Variants in SPG11 observed in about 807,000 individuals in gnomAD.
SPG11 encodes the protein spatacsin.
SPG11 carries 222 observed loss-of-function variants against 274.0 expected under a neutral mutation model. That is an observed-to-expected ratio of 0.81 (90% CI 0.73 to 0.91). The LOEUF (loss-of-function observed/expected upper bound fraction) is 0.91. Ranked by LOEUF, SPG11 falls within the 40% of genes least tolerant of loss-of-function variation. The pLI, the probability that SPG11 is intolerant of heterozygous loss-of-function variation, is 0.00. For missense variants in SPG11, 3,114 were observed against 2,872.7 expected (o/e 1.08, Z -1.92); for synonymous variants, 1,144 against 1,039.7 (o/e 1.10, Z -1.93).
At chr15:44,609,514 A>G (rs1006055161) in intron 18 of SPG11, among the ~76,000 whole-genome samples, 3 of 152,134 alleles carry the variant, frequency 2.0e-5, no homozygotes, top group Non-Finnish European at 4.4e-5. Context: ...AGGTCCCTCA[A>G]TACAGTTTAT....
intron 6 of SPG11, 24 bp from the exon 7 acceptor site, chr15:44,649,035 T>C: frequency 6.3e-7 from 1 of 1,586,848 alleles, no homozygotes; most frequent in Non-Finnish European, 8.7e-7. Flanking sequence ...AAAAGTTAGC[T>C]TTAACAAATT....
intron 20 of SPG11, among the ~76,000 whole-genome samples, chr15:44,601,368 C>T (rs1361130167): frequency 2.0e-5 from 3 of 151,734 alleles, no homozygotes; most frequent in African/African-American, 7.3e-5. Flanking sequence ...TCAGGTGATC[C>T]TCCCACTTCA....
chr15:44,658,975 C>G lies in SPG11; in HGVS notation c.667+104G>C, dbSNP rs537477141. 645 of 1,036,286 alleles carry G rather than the reference C, an allele frequency of 6.2e-4. 3 individuals carry two copies. In the African/African-American group the frequency reaches 8.3e-3, roughly 13 times the overall value. 64.2% of individuals were successfully genotyped at this position (1,036,286 alleles called of 1,614,324 possible). ...AAAAGTTTTACTGAAAAACTAACCA[C>G]ACTTCCTATATCCCAGCTCCCAAAA... On this transcript the variant is annotated intron_variant, in intron 3 of 39. Coordinates refer to ENST00000261866, the MANE Select transcript of SPG11 (RefSeq NM_025137.4).
rs759301637 is a variant in SPG11, at chr15:44,610,955, G to A, written c.3176C>T (p.Ala1059Val). 3.7e-6 allele frequency: 6 copies of A among 1,613,932 alleles called. No individual in the cohort carries two copies. The Admixed American group carries it at 1.0e-4, about 27-fold the overall frequency. Residue 1059 changes from alanine to valine, a missense_variant, in exon 18 of 40, where the codon GCA becomes GTA. By Grantham distance (64) the Ala-to-Val change is moderately conservative. Transcript: ENST00000261866. ...DPKLIFQASL[A>V]NAQILIPTNQ... is the part of the protein sequence containing the mutation. ...GGTGGGAATCAAAATCTGAGCATTT[G>A]CAAGGCTAGCCTGGAAGATCAGTTT...
At chr15:44,640,908 T>G (rs1309038635) in intron 7 of SPG11, among the ~76,000 whole-genome samples, 1 of 152,110 alleles carries the variant, frequency 6.6e-6, no homozygotes. Context: ...TTTTGTATTT[T>G]TAGTAGAGAC....
At position 44,657,366 on chromosome 15, in the gene SPG11, A is replaced by AC. The variant is rs1471474130; in HGVS notation, c.668-71_668-70insG. 3.1e-4 allele frequency: 447 copies of AC among 1,430,950 alleles called. 1 individual carries two copies. The highest frequency in any genetic ancestry group is 4.1e-4 in the Non-Finnish European group (421 of 1,023,176). 88.6% of individuals were successfully genotyped at this position (1,430,950 alleles called of 1,614,324 possible). ...CTAACTATTTAAAGCACAGGTTGGG[A>AC]AAGAGCTATAGACTTTATCACTCCA... On this transcript the variant is annotated intron_variant, in intron 3 of 39. Transcript: ENST00000261866.
At chr15:44,582,359 C>G (rs951876519) in intron 30 of SPG11, among the ~76,000 whole-genome samples, 2 of 152,068 alleles carry the variant, frequency 1.3e-5, no homozygotes, top group Non-Finnish European at 2.9e-5. Flanking sequence ...ACCAGCCTGG[C>G]CAATATAGTG....
At chr15:44,629,988 T>C (rs1216215808) in intron 8 of SPG11, among the ~76,000 whole-genome samples, 4 of 151,964 alleles carry the variant, frequency 2.6e-5, no homozygotes, top group African/African-American at 7.3e-5. Context: ...GAAGAATTGC[T>C]TGAACCCGGG....
chr15:44,584,250 A>G lies in SPG11; in HGVS notation c.5430T>C (p.Thr1810=). 1 of 1,614,122 alleles carries G rather than the reference A, an allele frequency of 6.2e-7. No individual in the cohort carries two copies. The highest frequency in any genetic ancestry group is 1.7e-5 in the Admixed American group (1 of 60,000). Residue 1810 remains threonine, a synonymous_variant, in exon 30 of 40, where the codon ACT becomes ACC. Transcript: ENST00000261866. ...CTGTTTCCTCCTGATTTCTTCCAAG[A>G]GTGTGCTGGGTGATGCGGCACAGCC... is the stretch of plus-strand genomic sequence containing the variant. ...QIWLCRITQH[T]LGRNQEETEP... is the part of the protein sequence containing the mutation.
intron 20 of SPG11, among the ~76,000 whole-genome samples, chr15:44,604,645 T>C (rs2083273951): frequency 6.6e-6 from 1 of 151,912 alleles, no homozygotes; most frequent in Non-Finnish European, 1.5e-5. Context: ...TAAATATGTA[T>C]TGGTTGGGTG....
intron 38 of SPG11, 124 bp from the exon 39 acceptor site, chr15:44,564,822 G>T: frequency 9.3e-7 from 1 of 1,080,650 alleles, no homozygotes; most frequent in Non-Finnish European, 1.4e-6. Context: ...TACCAATTAT[G>T]TTAAAAGGCT....
At chr15:44,578,019 CTT>C (rs1179057683) in intron 30 of SPG11, among the ~76,000 whole-genome samples, 3 of 117,568 alleles carry the variant, frequency 2.6e-5, no homozygotes, top group Non-Finnish European at 5.3e-5. Flanking sequence ...GCCTTCTTTC[CTT>C]TTTTTTTTTT....
chr15:44,663,144 G>A (rs2085166014), intron 1 of SPG11, among the ~76,000 whole-genome samples: 1 of 152,254 alleles, frequency 6.6e-6, no homozygotes, highest in South Asian at 2.1e-4. Context: ...AATGGAGCTG[G>A]GTGCCGTCTC....
At chr15:44,591,695 G>A (rs918712194) in intron 27 of SPG11, among the ~76,000 whole-genome samples, 2 of 152,192 alleles carry the variant, frequency 1.3e-5, no homozygotes, top group Non-Finnish European at 2.9e-5. Flanking sequence ...CAGTGTGGCC[G>A]GACATGGTGG....
Position 44,626,514 on chromosome 15 carries a change from A to T in SPG11, c.2068-7T>A, listed in dbSNP as rs975006101. ...TGGCGCTGGCAATAACTTCCTAGGA[A>T]AAGAAAAACGTTTGCCTTTTAAGTT... is the stretch of plus-strand genomic sequence containing the variant. On this transcript the variant is annotated splice_region_variant and splice_polypyrimidine_tract_variant and intron_variant, in intron 10 of 39. Transcript: ENST00000261866. 5 of 1,613,526 alleles carry T rather than the reference A, an allele frequency of 3.1e-6. No homozygotes were observed. The Admixed American group carries it at 8.3e-5, about 27-fold the overall frequency.
chr15:44,645,480 A>C (rs1209410102), intron 7 of SPG11, among the ~76,000 whole-genome samples: 5 of 152,252 alleles, frequency 3.3e-5, no homozygotes, highest in Non-Finnish European at 7.3e-5. Context: ...AGTTTGATTA[A>C]AGACTTAAAA....
At chr15:44,580,099 C>T (rs1246963125) in intron 30 of SPG11, among the ~76,000 whole-genome samples, 1 of 152,244 alleles carries the variant, frequency 6.6e-6, no homozygotes, top group Non-Finnish European at 1.5e-5. Flanking sequence ...AAATGAAAAT[C>T]TCCAATTGTT....
At chr15:44,585,304 A>G (rs1206066732) in intron 29 of SPG11, among the ~76,000 whole-genome samples, 2 of 151,970 alleles carry the variant, frequency 1.3e-5, no homozygotes, top group Non-Finnish European at 2.9e-5. Flanking sequence ...AAAAAGACCA[A>G]TGAGGCTGGG....
chr15:44,659,451 A>G, intron 2 of SPG11, 148 bp from the exon 3 acceptor site: 1 of 696,230 alleles, frequency 1.4e-6, no homozygotes, highest in Non-Finnish European at 2.5e-6. Context: ...ACACCCACCT[A>G]AGGAAGTAGT....
Sources: allele counts gnomAD v4.1 joint callset (sites outside exome capture counted in the v4.1 genomes callset), GRCh38; gene constraint gnomAD v4.1.1; transcripts MANE v1.5; gene names NCBI Gene and HGNC (gene_info 2026-07-23, HGNC 2026-07-21).